GRM7: variants seen among roughly 807,000 people sequenced by gnomAD.
The protein encoded by GRM7 is glutamate metabotropic receptor 7, also known as metabotropic glutamate receptor 7.
Under a neutral mutation model 84.5 loss-of-function variants are expected in GRM7, and 35 were observed. The observed-to-expected ratio is 0.41, with a 90% confidence interval of 0.32 to 0.55. The LOEUF (loss-of-function observed/expected upper bound fraction) is 0.55, where lower values mean the gene tolerates loss of function less well. GRM7 is among the 20% of genes least tolerant of loss of function. The pLI, the probability that GRM7 is intolerant of heterozygous loss-of-function variation, is 0.19. For synonymous variants in GRM7, 487 were observed against 455.1 expected (o/e 1.07, Z -0.89); for missense variants, 1,003 against 1,194.6 (o/e 0.84, Z 2.36).
intron 2 of GRM7, among the ~76,000 whole-genome samples, chr3:7,195,502 C>A (rs1048577018): frequency 6.6e-6 from 1 of 152,108 alleles, no homozygotes; most frequent in African/African-American, 2.4e-5. Context: ...ACTCTTCATG[C>A]AAGTTCTAAA....
At chr3:6,999,182 G>T (rs1694927456) in intron 1 of GRM7, among the ~76,000 whole-genome samples, 2 of 152,080 alleles carry the variant, frequency 1.3e-5, no homozygotes, top group African/African-American at 4.8e-5. Context: ...CAAATCTCTA[G>T]GGCAGGGGGA....
At chr3:7,729,757 G>T (rs1351759867) in intron 9 of GRM7, among the ~76,000 whole-genome samples, 3 of 151,966 alleles carry the variant, frequency 2.0e-5, no homozygotes, top group Non-Finnish European at 4.4e-5. Flanking sequence ...CCAGGCTGGA[G>T]TGCAATGGCG....
intron 8 of GRM7, among the ~76,000 whole-genome samples, chr3:7,655,482 T>G (rs542443853): frequency 5.7e-4 from 87 of 152,228 alleles, no homozygotes; most frequent in Non-Finnish European, 9.7e-4. Flanking sequence ...AAAGCCCCTT[T>G]TCCCAATAAG....
intron 7 of GRM7, among the ~76,000 whole-genome samples, chr3:7,540,144 G>T (rs1183855972): frequency 6.6e-6 from 1 of 152,150 alleles, no homozygotes; most frequent in Non-Finnish European, 1.5e-5. Flanking sequence ...ATGCCACATT[G>T]AACGGTTGCT....
chr3:7,114,457 G>A (rs1283127314), intron 1 of GRM7, among the ~76,000 whole-genome samples: 1 of 152,052 alleles, frequency 6.6e-6, no homozygotes, highest in African/African-American at 2.4e-5. Flanking sequence ...TAAACTGAGG[G>A]GCTTTGTTCT....
At chr3:7,434,298 A>T (rs1484664811) in intron 5 of GRM7, among the ~76,000 whole-genome samples, 1 of 152,170 alleles carries the variant, frequency 6.6e-6, no homozygotes, top group Non-Finnish European at 1.5e-5. Flanking sequence ...GTCTTGCTTT[A>T]TTGCACTGAT....
chr3:7,725,364 C>T (rs1325435337), intron 9 of GRM7, among the ~76,000 whole-genome samples: 2 of 152,150 alleles, frequency 1.3e-5, no homozygotes, highest in Non-Finnish European at 1.5e-5. Flanking sequence ...CCTGTGGATA[C>T]TTTTGGCCTG....
At chr3:7,727,011 T>C (rs1230442535) in intron 9 of GRM7, among the ~76,000 whole-genome samples, 1 of 152,088 alleles carries the variant, frequency 6.6e-6, no homozygotes, top group East Asian at 1.9e-4. Context: ...AGTTTTCTTA[T>C]GGCTTTTAAA....
At chr3:7,262,950 G>GA (rs1698491872) in intron 2 of GRM7, among the ~76,000 whole-genome samples, 1 of 80 alleles carries the variant, frequency 0.013, no homozygotes, top group South Asian at 0.5. Context: ...CACCCACCAT[G>GA]CCTCTCAAAA....
At chr3:7,520,761 G>A (rs1432073630) in intron 7 of GRM7, among the ~76,000 whole-genome samples, 2 of 152,150 alleles carry the variant, frequency 1.3e-5, no homozygotes, top group African/African-American at 4.8e-5. Context: ...ATTTAAAATA[G>A]ATCCCATTTC....
At chr3:6,929,162 G>A (rs560717936) in intron 1 of GRM7, among the ~76,000 whole-genome samples, 5 of 152,166 alleles carry the variant, frequency 3.3e-5, no homozygotes, top group East Asian at 1.9e-4. Flanking sequence ...AGTAGTTGAC[G>A]GAGGTGTGAG....
intron 1 of GRM7, among the ~76,000 whole-genome samples, chr3:6,891,177 T>C (rs1287843069): frequency 6.6e-6 from 1 of 152,212 alleles, no homozygotes; most frequent in Admixed American, 6.5e-5. Flanking sequence ...GGGTCTTGAC[T>C]CTTTATCCAA....
chr3:7,617,755 T>C (rs939642082), intron 8 of GRM7, among the ~76,000 whole-genome samples: 1 of 152,132 alleles, frequency 6.6e-6, no homozygotes, highest in Non-Finnish European at 1.5e-5. Context: ...TTACCAGAGA[T>C]AGGAAAGAGT....
chr3:7,311,635 C>A (rs1700399223), intron 4 of GRM7, among the ~76,000 whole-genome samples: 1 of 150,038 alleles, frequency 6.7e-6, no homozygotes, highest in Non-Finnish European at 1.5e-5. Flanking sequence ...GCTTTGTCAC[C>A]CAAGCTGGAA....
chr3:6,910,683 C>T (rs1017741378), intron 1 of GRM7, among the ~76,000 whole-genome samples: 1 of 152,004 alleles, frequency 6.6e-6, no homozygotes, highest in Non-Finnish European at 1.5e-5. Context: ...GCCAGAAATT[C>T]GAGAATGTTC....
intron 5 of GRM7, among the ~76,000 whole-genome samples, chr3:7,446,437 T>G (rs1697510189): frequency 6.6e-6 from 1 of 151,214 alleles, no homozygotes; most frequent in Non-Finnish European, 1.5e-5. Context: ...TTGTTGTTGT[T>G]GTTTTTGGTC....
chr3:7,711,216 G>T (rs1236368076), intron 9 of GRM7, among the ~76,000 whole-genome samples: 1 of 152,164 alleles, frequency 6.6e-6, no homozygotes, highest in Non-Finnish European at 1.5e-5. Flanking sequence ...TGTGGCTGGG[G>T]GTTGCTATTT....
rs1322663924 is a variant in GRM7, at chr3:7,280,508, T to C, written c.737-18176T>C. 3.9e-5 allele frequency among the ~76,000 whole-genome samples: 6 copies of C among 152,310 alleles called. No homozygotes were observed. The South Asian group carries it at 1.2e-3, about 32-fold the overall frequency. On this transcript the variant is annotated intron_variant, in intron 2 of 9. Coordinates refer to ENST00000357716, the MANE Select transcript of GRM7 (RefSeq NM_000844.4). ...GTGTGACCCTAGGCAACATATGCAG[T>C]GTATGTGATGACTTTGCACTTTAGC...
chr3:7,119,743 C>T (rs1693157137), intron 1 of GRM7, among the ~76,000 whole-genome samples: 1 of 152,044 alleles, frequency 6.6e-6, no homozygotes, highest in African/African-American at 2.4e-5. Context: ...GGAAATTAGG[C>T]ATCTATACAC....
Sources: gnomAD v4.1 joint callset for allele counts (sites outside exome capture counted in the v4.1 genomes callset) on GRCh38, gnomAD v4.1.1 for gene constraint, MANE v1.5 for transcripts, NCBI Gene and HGNC (gene_info 2026-07-23, HGNC 2026-07-21) for gene names.